S100A8: variants seen among roughly 807,000 people sequenced by gnomAD.
S100A8 encodes the protein S100 calcium binding protein A8.
A neutral mutation model predicts 4.2 loss-of-function variants in S100A8; 1 was observed. The ratio of observed to expected loss-of-function variants is 0.24; its 90% confidence interval spans 0.08 to 1.12. The LOEUF (loss-of-function observed/expected upper bound fraction) is 1.12, where lower values mean the gene tolerates loss of function less well. S100A8 is among the 50% of genes most tolerant of loss of function. The pLI is 0.53. For synonymous variants in S100A8, 41 were observed against 44.7 expected (o/e 0.92, Z 0.33); for missense variants, 96 against 111.8 (o/e 0.86, Z 0.64).
chr1:153,399,801 G>A, the S100A8 span, among the ~76,000 whole-genome samples: 2 of 152,144 alleles, frequency 1.3e-5, no homozygotes, highest in Non-Finnish European at 2.9e-5. Flanking sequence ...GACTTGAAGA[G>A]ACATTTTGAG....
chr1:153,391,035 A>C lies in S100A8; in HGVS notation c.-23+6T>G, dbSNP rs1191411707. On this transcript the variant is annotated splice_donor_region_variant and intron_variant, in intron 1 of 2. Coordinates refer to ENST00000368733, the MANE Select transcript of S100A8 (RefSeq NM_002964.5). The stretch of plus-strand genomic sequence containing the variant: ...GTGCGGGGCCAACCCAGACAGTCCC[A>C]CTTACCAGGTCTTCTGAAAGACAGC... 1.0e-6 allele frequency: 1 copy of C among 987,070 alleles called. No individual in the cohort carries two copies. The highest frequency in any genetic ancestry group is 4.6e-5 in the South Asian group (1 of 21,688). The allele number at this position is 987,070 out of a possible 1,614,324, so 61.1% of individuals were successfully genotyped here. A position where few individuals can be genotyped will look rare whatever the true frequency, so the allele number is the denominator to read the frequency against.
the S100A8 span, among the ~76,000 whole-genome samples, chr1:153,405,972 G>A: frequency 6.6e-6 from 1 of 152,144 alleles, no homozygotes; most frequent in East Asian, 1.9e-4. Flanking sequence ...CGAGTCCAGA[G>A]ATGCAGCTGG....
chr1:153,408,699 A>T, the S100A8 span, among the ~76,000 whole-genome samples: 2 of 152,244 alleles, frequency 1.3e-5, no homozygotes, highest in Non-Finnish European at 2.9e-5. Context: ...GTTGAAATGA[A>T]GGAAAAAATC....
chr1:153,416,020 A>C, the S100A8 span, among the ~76,000 whole-genome samples: 1 of 152,230 alleles, frequency 6.6e-6, no homozygotes, highest in Admixed American at 6.5e-5. Context: ...TAGAGATTGC[A>C]GCACCTGCTT....
chr1:153,404,370 C>T, the S100A8 span, among the ~76,000 whole-genome samples: 3 of 152,180 alleles, frequency 2.0e-5, no homozygotes, highest in African/African-American at 4.8e-5. Flanking sequence ...CACATGGTTG[C>T]TTCCTCTGGC....
the S100A8 span, among the ~76,000 whole-genome samples, chr1:153,408,034 GCTGAAAA>G: frequency 6.6e-6 from 1 of 152,212 alleles, no homozygotes; most frequent in Non-Finnish European, 1.5e-5. Context: ...GAGCAGAAAA[GCTGAAAA>G]CTCTAAAAAT....
the S100A8 span, chr1:153,418,274 G>T: frequency 1.2e-6 from 2 of 1,609,854 alleles, no homozygotes; most frequent in African/African-American, 2.7e-5. Flanking sequence ...GCATGGCTGA[G>T]GATACATTTT....
At chr1:153,418,269 G>A in the S100A8 span, 11 of 1,603,160 alleles carry the variant, frequency 6.9e-6, no homozygotes, top group East Asian at 2.0e-4. Context: ...CCCTGGCATG[G>A]CTGAGGATAC....
the S100A8 span, among the ~76,000 whole-genome samples, chr1:153,401,506 C>T: frequency 3.3e-5 from 5 of 152,268 alleles, no homozygotes; most frequent in Admixed American, 2.6e-4. Flanking sequence ...CCACCCATGG[C>T]CAGGACTAAG....
the S100A8 span, chr1:153,417,864 C>T: frequency 3.5e-6 from 2 of 579,518 alleles, no homozygotes; most frequent in Non-Finnish European, 5.9e-6. Flanking sequence ...CTTCTTGGCC[C>T]TGGCCAGGAT....
the S100A8 span, among the ~76,000 whole-genome samples, chr1:153,400,091 G>A: frequency 6.6e-6 from 1 of 152,148 alleles, no homozygotes; most frequent in African/African-American, 2.4e-5. Context: ...AAGCACCACA[G>A]ACTTGGTGCC....
the S100A8 span, chr1:153,420,426 T>C: frequency 2.0e-5 from 3 of 152,228 alleles, no homozygotes; most frequent in African/African-American, 7.2e-5. Flanking sequence ...TCACTCTTAC[T>C]ACTCTGGTCA....
the S100A8 span, among the ~76,000 whole-genome samples, chr1:153,398,175 T>G: frequency 6.6e-6 from 1 of 152,036 alleles, no homozygotes; most frequent in Non-Finnish European, 1.5e-5. Flanking sequence ...CCCCAGGGCA[T>G]GGATAGACAG....
chr1:153,414,814 A>ATTTT, the S100A8 span, among the ~76,000 whole-genome samples: 1 of 152,248 alleles, frequency 6.6e-6, no homozygotes, highest in Non-Finnish European at 1.5e-5. Flanking sequence ...CTGCATACAC[A>ATTTT]TGTATATGAA....
chr1:153,398,733 A>G, the S100A8 span, among the ~76,000 whole-genome samples: 1 of 152,232 alleles, frequency 6.6e-6, no homozygotes, highest in South Asian at 2.1e-4. Context: ...ACTTTATACA[A>G]ATTATCCCGT....
chr1:153,395,604 C>T (rs1662195560), upstream of S100A8, among the ~76,000 whole-genome samples: 1 of 152,158 alleles, frequency 6.6e-6, no homozygotes, highest in Non-Finnish European at 1.5e-5. Flanking sequence ...CAAACCCCTA[C>T]CACTAGTTTC....
chr1:153,414,788 A>G, the S100A8 span, among the ~76,000 whole-genome samples: 6 of 152,250 alleles, frequency 3.9e-5, no homozygotes, highest in Non-Finnish European at 5.9e-5. Context: ...CTGAAAGCTT[A>G]TGTCCACACA....
the S100A8 span, among the ~76,000 whole-genome samples, chr1:153,407,768 G>C: frequency 9.5e-4 from 144 of 152,282 alleles, no homozygotes; most frequent in African/African-American, 3.3e-3. Context: ...CTGAGACAAA[G>C]CTTCCAGAGG....
chr1:153,417,582 G>A, the S100A8 span, among the ~76,000 whole-genome samples: 1 of 152,214 alleles, frequency 6.6e-6, no homozygotes, highest in African/African-American at 2.4e-5. Flanking sequence ...TTGAGTCAAG[G>A]TGGGGCCCAC....
Sources: allele counts gnomAD v4.1 joint callset (sites outside exome capture counted in the v4.1 genomes callset), GRCh38; gene constraint gnomAD v4.1.1; transcripts MANE v1.5; gene names NCBI Gene and HGNC (gene_info 2026-07-23, HGNC 2026-07-21).